Variants in CSMD1 observed in about 807,000 individuals in gnomAD.
CSMD1 encodes the protein CUB and sushi domain-containing protein 1.
CSMD1 carries 213 observed loss-of-function variants against 417.5 expected under a neutral mutation model. That is an observed-to-expected ratio of 0.51 (90% CI 0.46 to 0.57). The LOEUF (loss-of-function observed/expected upper bound fraction) is 0.57. Ranked by LOEUF, CSMD1 falls within the 20% of genes least tolerant of loss-of-function variation. CSMD1 has a pLI of 0.00. For synonymous variants in CSMD1, 2,862 were observed against 1,736.8 expected, an observed-to-expected ratio of 1.65 and a Z score of -16.11; for missense variants, 6,923 against 4,529.7, an observed-to-expected ratio of 1.53 and a Z score of -15.17.
intron 1 of CSMD1, among the ~76,000 whole-genome samples, chr8:4,832,535 G>A (rs569445884): frequency 1.3e-5 from 2 of 152,260 alleles, no homozygotes; most frequent in East Asian, 1.9e-4. Context: ...AAACATGGAG[G>A]CATGAGGTAT....
chr8:4,050,167 G>A (rs987481317), intron 3 of CSMD1, among the ~76,000 whole-genome samples: 1 of 152,126 alleles, frequency 6.6e-6, no homozygotes, highest in African/African-American at 2.4e-5. Flanking sequence ...CGCATCATCA[G>A]TGGGACTTCC....
intron 4 of CSMD1, among the ~76,000 whole-genome samples, chr8:4,023,178 C>T (rs1040717692): frequency 4.6e-5 from 7 of 152,174 alleles, no homozygotes. Context: ...CCTTTTCACC[C>T]AGTGCAATGT....
At chr8:4,398,476 C>A (rs2128927721) in intron 3 of CSMD1, among the ~76,000 whole-genome samples, 1 of 147,684 alleles carries the variant, frequency 6.8e-6, no homozygotes, top group African/African-American at 2.5e-5. Flanking sequence ...TCACTGCAAC[C>A]TCCTCTCCTG....
chr8:3,461,910 C>T (rs1453004873), intron 12 of CSMD1, among the ~76,000 whole-genome samples: 1 of 152,220 alleles, frequency 6.6e-6, no homozygotes, highest in East Asian at 1.9e-4. Context: ...AGCCAACTAG[C>T]CCAGCTGAGA....
At chr8:4,740,747 T>C (rs1208401575) in intron 1 of CSMD1, among the ~76,000 whole-genome samples, 1 of 152,148 alleles carries the variant, frequency 6.6e-6, no homozygotes. Context: ...AGCAAGATCC[T>C]GTCTCAAAAT....
At chr8:4,202,031 G>C (rs1475794463) in intron 3 of CSMD1, among the ~76,000 whole-genome samples, 1 of 152,126 alleles carries the variant, frequency 6.6e-6, no homozygotes, top group Non-Finnish European at 1.5e-5. Flanking sequence ...GAGGACATTG[G>C]AATCTCCCAG....
chr8:3,342,176 C>T (rs556698679), intron 23 of CSMD1, among the ~76,000 whole-genome samples: 2 of 152,142 alleles, frequency 1.3e-5, no homozygotes, highest in East Asian at 1.9e-4. Context: ...ATTTCAGCCA[C>T]ACTTATTCTA....
At chr8:3,627,229 A>C (rs865813449) in intron 7 of CSMD1, among the ~76,000 whole-genome samples, 1 of 152,190 alleles carries the variant, frequency 6.6e-6, no homozygotes, top group Middle Eastern at 3.2e-3. Context: ...AACTGAGTTT[A>C]AGATTGTGAT....
At chr8:3,664,193 C>T (rs967391270) in intron 7 of CSMD1, among the ~76,000 whole-genome samples, 1 of 152,160 alleles carries the variant, frequency 6.6e-6, no homozygotes, top group Non-Finnish European at 1.5e-5. Flanking sequence ...GACCCCCACC[C>T]CACTACAGGC....
chr8:4,469,928 T>A (rs1336468344), intron 2 of CSMD1, among the ~76,000 whole-genome samples: 1 of 151,476 alleles, frequency 6.6e-6, no homozygotes, highest in Non-Finnish European at 1.5e-5. Context: ...AGTGCAGTGG[T>A]GTGATCTCGG....
intron 5 of CSMD1, among the ~76,000 whole-genome samples, chr8:3,960,377 C>T (rs1457131811): frequency 6.6e-6 from 1 of 152,124 alleles, no homozygotes; most frequent in Non-Finnish European, 1.5e-5. Context: ...TACTTAAAAG[C>T]ATGGCGTGAA....
At chr8:4,477,843 G>T (rs539082413) in intron 2 of CSMD1, among the ~76,000 whole-genome samples, 1 of 152,144 alleles carries the variant, frequency 6.6e-6, no homozygotes, top group African/African-American at 2.4e-5. Flanking sequence ...TGGTTTGTTT[G>T]CTTTAACTGG....
intron 41 of CSMD1, among the ~76,000 whole-genome samples, chr8:3,138,119 G>T (rs968099571): frequency 1.4e-4 from 22 of 152,274 alleles, no homozygotes; most frequent in African/African-American, 5.1e-4. Flanking sequence ...CCAGCTACTT[G>T]GGAGGCTGAG....
At chr8:3,949,964 C>G (rs28484850) in intron 5 of CSMD1, 4 of 455,646 alleles carry the variant, frequency 8.8e-6, no homozygotes, top group African/African-American at 6.0e-5. Flanking sequence ...GCCAGCAGAG[C>G]GACGTGTCTC....
chr8:4,452,679 T>G (rs148631858), intron 2 of CSMD1, among the ~76,000 whole-genome samples: 1 of 152,074 alleles, frequency 6.6e-6, no homozygotes, highest in African/African-American at 2.4e-5. Flanking sequence ...TCTCCAGAAA[T>G]AAAGTCTAAA....
At chr8:3,568,016 G>C (rs956669444) in intron 10 of CSMD1, among the ~76,000 whole-genome samples, 2 of 152,034 alleles carry the variant, frequency 1.3e-5, no homozygotes, top group African/African-American at 4.8e-5. Flanking sequence ...AGAAAAGTTG[G>C]TACTGACAGA....
chr8:4,437,939 T>A (rs1384331917), intron 2 of CSMD1, among the ~76,000 whole-genome samples: 2 of 152,170 alleles, frequency 1.3e-5, no homozygotes, highest in African/African-American at 4.8e-5. Context: ...CTTAAAGTAA[T>A]TCTCTAAGTG....
chr8:4,907,923 G>T (rs1450785447), intron 1 of CSMD1, among the ~76,000 whole-genome samples: 1 of 152,034 alleles, frequency 6.6e-6, no homozygotes. Context: ...CTTTTTGTGA[G>T]TTAAAATCAT....
intron 7 of CSMD1, among the ~76,000 whole-genome samples, chr8:3,651,681 C>G (rs1331799586): frequency 2.0e-5 from 3 of 152,204 alleles, no homozygotes; most frequent in East Asian, 1.9e-4. Flanking sequence ...TATCACTGTA[C>G]TTAACACCAT....
Sources: gnomAD v4.1 joint callset for allele counts (sites outside exome capture counted in the v4.1 genomes callset) on GRCh38, gnomAD v4.1.1 for gene constraint, MANE v1.5 for transcripts, NCBI Gene and HGNC (gene_info 2026-07-23, HGNC 2026-07-21) for gene names.